The following CCDC7 variants were observed in gnomAD, a reference collection of about 807,000 sequenced individuals.
CCDC7 encodes coiled-coil domain containing 7.
Under a neutral mutation model 196.9 loss-of-function variants are expected in CCDC7, and 183 were observed. That is an observed-to-expected ratio of 0.93 (90% CI 0.82 to 1.05). CCDC7 has a LOEUF of 1.05. Among genes scored for constraint, CCDC7 ranks in the 50% least tolerant of loss-of-function variants. The pLI is 0.00. For synonymous variants in CCDC7, 525 were observed against 484.6 expected, an observed-to-expected ratio of 1.08 and a Z score of -1.10; for missense variants, 1,540 against 1,482.2, an observed-to-expected ratio of 1.04 and a Z score of -0.64.
intron 18 of CCDC7, among the ~76,000 whole-genome samples, chr10:32,595,389 G>T (rs888924338): frequency 1.3e-5 from 2 of 152,106 alleles, no homozygotes; most frequent in African/African-American, 4.8e-5. Context: ...AGGATTGGTG[G>T]TGATATCCCC....
downstream of CCDC7, among the ~76,000 whole-genome samples, chr10:32,880,269 T>C (rs897061193): frequency 8.5e-5 from 13 of 152,318 alleles, no homozygotes; most frequent in Admixed American, 7.8e-4. Flanking sequence ...TGGTATCTCA[T>C]TGTGGCTTTG....
At chr10:32,725,207 T>A (rs2142245350) in intron 25 of CCDC7, 1 of 396,512 alleles carries the variant, frequency 2.5e-6, no homozygotes. Flanking sequence ...TCCTTTCTTT[T>A]GTATTTTGAA....
Position 32,686,046 on chromosome 10 carries a change from G to C in CCDC7, c.2199G>C (p.Lys733Asn). 1.9e-6 allele frequency: 3 copies of C among 1,555,880 alleles called. No homozygotes were observed. The South Asian group carries it at 3.6e-5, about 19-fold the overall frequency. Reference sequence around the variant, plus strand: ...TGTCAAAAACCAAATTACAAATAAAGAAACAAGAAACTTCTACAGAGCAAC... The same window carrying C: ...TGTCAAAAACCAAATTACAAATAAACAAACAAGAAACTTCTACAGAGCAAC... Residue 733 changes from lysine (K) to asparagine (N), a missense_variant, in exon 22 of 42, where the codon AAG becomes AAC. Transcript: ENST00000639629.
intron 28 of CCDC7, among the ~76,000 whole-genome samples, chr10:32,768,578 G>A (rs1217842985): frequency 6.6e-6 from 1 of 152,140 alleles, no homozygotes; most frequent in Non-Finnish European, 1.5e-5. Context: ...AGTGGTGAAA[G>A]TGGGCATCCT....
At chr10:32,562,713 G>A (rs951374940) in intron 13 of CCDC7, among the ~76,000 whole-genome samples, 15 of 150,046 alleles carry the variant, frequency 1.0e-4, no homozygotes, top group Non-Finnish European at 2.1e-4. Context: ...GGCAAAAACT[G>A]GAAGCATTCC....
At chr10:32,703,465 A>C (rs3003971) in intron 24 of CCDC7, among the ~76,000 whole-genome samples, 52,360 of 151,542 alleles carry the variant, frequency 0.35, 11,639 homozygotes, top group Non-Finnish European at 0.5. Flanking sequence ...CTTCATTTCT[A>C]CTTTGGTGAA....
At chr10:32,743,366 C>T (rs1295316967) in intron 28 of CCDC7, among the ~76,000 whole-genome samples, 2 of 152,160 alleles carry the variant, frequency 1.3e-5, no homozygotes, top group African/African-American at 4.8e-5. Flanking sequence ...CCTGTTCACT[C>T]TGATGGTAGT....
In CCDC7 at chr10:32,782,127, A is replaced by G. The variant is rs1012355679; in HGVS notation, c.3013+3043A>G. On this transcript the variant is annotated intron_variant, in intron 29 of 41. Coordinates refer to ENST00000639629, the Ensembl canonical transcript of CCDC7. Reference sequence around the variant, plus strand: ...AGAAGGCAAAAGGCAAAAGACTTGTATACTGAAAACTACCATATAATGCTG... The same window carrying G: ...AGAAGGCAAAAGGCAAAAGACTTGTGTACTGAAAACTACCATATAATGCTG... 4.6e-5 allele frequency among the ~76,000 whole-genome samples: 7 copies of G among 152,358 alleles called. No individual in the cohort carries two copies. In the East Asian group the frequency reaches 5.8e-4, roughly 13 times the overall value.
chr10:32,559,287 A>C (rs1320231251), intron 13 of CCDC7, among the ~76,000 whole-genome samples: 3 of 152,236 alleles, frequency 2.0e-5, no homozygotes, highest in Non-Finnish European at 4.4e-5. Flanking sequence ...TGCAGACTTA[A>C]ATGTCCCTGT....
At chr10:32,861,389 A>G (rs969034011) in intron 41 of CCDC7, among the ~76,000 whole-genome samples, 5 of 152,048 alleles carry the variant, frequency 3.3e-5, no homozygotes, top group African/African-American at 1.2e-4. Flanking sequence ...CTGAAACTGG[A>G]CCCCTCCCTT....
In CCDC7 at chr10:32,660,686, C is replaced by T. The variant is rs902199172; in HGVS notation, c.2015-3368C>T. 5.6e-4 allele frequency among the ~76,000 whole-genome samples: 85 copies of T among 152,210 alleles called. No homozygotes were observed. The Middle Eastern group carries it at 0.01, about 18-fold the overall frequency. Reference sequence around the variant, plus strand: ...AAATGGTATTTCCAGTTCTAGATCCCTGATCTTTGACAAACCTGAGAAAAA... The same window carrying T: ...AAATGGTATTTCCAGTTCTAGATCCTTGATCTTTGACAAACCTGAGAAAAA... On this transcript the variant is annotated intron_variant, in intron 20 of 41. Coordinates refer to ENST00000639629, the Ensembl canonical transcript of CCDC7.
chr10:32,766,184 G>A (rs1014640102), intron 28 of CCDC7, among the ~76,000 whole-genome samples: 1 of 152,018 alleles, frequency 6.6e-6, no homozygotes, highest in Non-Finnish European at 1.5e-5. Flanking sequence ...AAGTCTAGTG[G>A]AATGGGACGT....
At chr10:32,710,749 T>C (rs2080687330) in intron 24 of CCDC7, among the ~76,000 whole-genome samples, 3 of 152,212 alleles carry the variant, frequency 2.0e-5, no homozygotes, top group African/African-American at 7.2e-5. Context: ...GCATGCTTTT[T>C]GCTTTTCCAG....
intron 29 of CCDC7, among the ~76,000 whole-genome samples, chr10:32,789,520 C>T (rs542599802): frequency 6.7e-6 from 1 of 148,260 alleles, no homozygotes; most frequent in East Asian, 2.0e-4. Flanking sequence ...GAACACAGAT[C>T]ATTTGAAATT....
chr10:32,650,740 G>T (rs2068605096), intron 20 of CCDC7, among the ~76,000 whole-genome samples: 1 of 152,076 alleles, frequency 6.6e-6, no homozygotes, highest in South Asian at 2.1e-4. Flanking sequence ...CAGCCTGAGG[G>T]CTCTAGGGTC....
At chr10:32,561,631 T>C (rs2055656207) in intron 13 of CCDC7, among the ~76,000 whole-genome samples, 1 of 152,098 alleles carries the variant, frequency 6.6e-6, no homozygotes, top group South Asian at 2.1e-4. Context: ...TACCAGAATC[T>C]CTGGGACACA....
chr10:32,584,282 C>T lies in CCDC7; in HGVS notation c.1779C>T (p.Tyr593=), dbSNP rs139762456. Residue 593 remains tyrosine, a synonymous_variant, in exon 18 of 42, where the codon TAC becomes TAT. Transcript: ENST00000639629. ...AAAAGATGACTGAAGAACAAACTTA[C>T]CAAGCAGCAGAAAAATCTCAAGGTA... 2.5e-6 allele frequency: 4 copies of T among 1,597,684 alleles called. No individual in the cohort carries two copies. The South Asian group carries it at 3.4e-5, about 14-fold the overall frequency.
chr10:32,654,538 G>C lies in CCDC7; in HGVS notation c.2015-9516G>C, dbSNP rs116322458. 3.9e-3 allele frequency among the ~76,000 whole-genome samples: 600 copies of C among 152,222 alleles called. 3 individuals carry two copies. Among genetic ancestry groups the C allele is most frequent in the African/African-American group, 0.013 (558 of 41,530 alleles). On this transcript the variant is annotated intron_variant, in intron 20 of 41. Transcript: ENST00000639629. The stretch of plus-strand genomic sequence containing the variant: ...TAGTTTTGTAAAGTTTATATATTTT[G>C]TTGTTTGTAACTACTGAAGTCTGCT...
chr10:32,832,976 T>C (rs1034702598), intron 32 of CCDC7, among the ~76,000 whole-genome samples: 12 of 151,910 alleles, frequency 7.9e-5, no homozygotes, highest in African/African-American at 2.7e-4. Context: ...AAAATGACAA[T>C]AGATGGTAAC....
Sources: gnomAD v4.1 joint callset for allele counts (sites outside exome capture counted in the v4.1 genomes callset) on GRCh38, gnomAD v4.1.1 for gene constraint, MANE v1.5 for transcripts, NCBI Gene and HGNC (gene_info 2026-07-23, HGNC 2026-07-21) for gene names.